MCTP1: variants seen among roughly 807,000 people sequenced by gnomAD.
MCTP1 encodes the protein multiple C2 and transmembrane domain-containing protein 1.
Under a neutral mutation model 120.6 loss-of-function variants are expected in MCTP1, and 69 were observed. That is an observed-to-expected ratio of 0.57 (90% CI 0.47 to 0.70). MCTP1 has a LOEUF of 0.70. MCTP1 is among the 30% of genes least tolerant of loss of function. The pLI, the probability that MCTP1 is intolerant of heterozygous loss-of-function variation, is 0.00. For synonymous variants in MCTP1, 529 were observed against 493.1 expected (o/e 1.07, Z -0.96); for missense variants, 1,203 against 1,248.8 (o/e 0.96, Z 0.55).
At chr5:95,085,865 G>C (rs544197965) in intron 1 of MCTP1, among the ~76,000 whole-genome samples, 9 of 152,036 alleles carry the variant, frequency 5.9e-5, no homozygotes, top group Non-Finnish European at 1.3e-4. Context: ...TACTACCAAA[G>C]TTGAGTATTT....
rs1055192109 is a variant in MCTP1 at position 95,068,827 on chromosome 5, G to T, written c.721-51343C>A. 7 of 1,267,858 alleles carry T rather than the reference G, an allele frequency of 5.5e-6. No individual in the cohort carries two copies. In the African/African-American group the frequency reaches 1.1e-4, roughly 20 times the overall value. The allele number at this position is 1,267,858 out of a possible 1,614,324, so 78.5% of individuals were successfully genotyped here. Reference sequence around the variant, plus strand: ...TGTCCTTTCCAATCTTACCATACAGGGTCTGCCAAAGAAATTATAAAAATT... The same window carrying T: ...TGTCCTTTCCAATCTTACCATACAGTGTCTGCCAAAGAAATTATAAAAATT... On this transcript the variant is annotated intron_variant, in intron 1 of 22. Transcript: ENST00000515393.
At chr5:95,266,280 C>T (rs1380398625) in intron 1 of MCTP1, among the ~76,000 whole-genome samples, 1 of 152,196 alleles carries the variant, frequency 6.6e-6, no homozygotes, top group African/African-American at 2.4e-5. Context: ...ATCTAATTTT[C>T]ATAAGAATTG....
At chr5:94,922,339 G>A (rs570132060) in intron 7 of MCTP1, among the ~76,000 whole-genome samples, 4 of 152,222 alleles carry the variant, frequency 2.6e-5, no homozygotes, top group Admixed American at 2.6e-4. Context: ...ACTTGAAAGG[G>A]AAACACTTGA....
Position 94,704,997 on chromosome 5 carries a change from TGTCA to T in MCTP1, c.*2495_*2498del, listed in dbSNP as rs1402019052. 1 of 151,368 alleles carries T rather than the reference TGTCA, an allele frequency of 6.6e-6. No individual in the cohort carries two copies. The highest frequency in any genetic ancestry group is 2.4e-5 in the African/African-American group (1 of 41,348). The allele number at this position is 151,368 out of a possible 1,614,324, so 9.4% of individuals were successfully genotyped here. On this transcript the variant is annotated 3_prime_UTR_variant, in exon 23 of 23. Transcript: ENST00000515393. ...ATTTCTTATGAATTATCACAACGAA[TGTCA>T]GTAATAGTTTATGAATATAAATAAT...
chr5:95,255,451 C>T (rs1757784013), intron 1 of MCTP1, among the ~76,000 whole-genome samples: 1 of 152,068 alleles, frequency 6.6e-6, no homozygotes. Flanking sequence ...TATACTACAG[C>T]AGGGAAGGAA....
Position 95,066,243 on chromosome 5 carries a change from G to GA in MCTP1, c.721-48760dup, listed in dbSNP as rs554999676. ...ACATAGAAATGATCAACAAGTATAT[G>GA]AAAAAATGCTCAACACCACTAAACA... On this transcript the variant is annotated intron_variant, in intron 1 of 22. Coordinates refer to ENST00000515393, the MANE Select transcript of MCTP1 (RefSeq NM_024717.7). Among the ~76,000 whole-genome samples, 663 of 152,136 alleles carry GA rather than the reference G, an allele frequency of 4.4e-3. 5 individuals carry two copies. Among genetic ancestry groups the GA allele is most frequent in the African/African-American group, 0.015 (639 of 41,508 alleles).
intron 1 of MCTP1, among the ~76,000 whole-genome samples, chr5:95,176,445 A>C (rs1483324283): frequency 6.6e-6 from 1 of 152,156 alleles, no homozygotes; most frequent in Non-Finnish European, 1.5e-5. Flanking sequence ...GAATCGCTTG[A>C]ATCCAGGAGG....
At chr5:95,245,740 A>T (rs1462000305) in intron 1 of MCTP1, among the ~76,000 whole-genome samples, 2 of 152,202 alleles carry the variant, frequency 1.3e-5, no homozygotes, top group Non-Finnish European at 2.9e-5. Context: ...AATGGAACCA[A>T]GCTAGAAAAC....
At chr5:94,905,915 G>A (rs115683215) in intron 10 of MCTP1, among the ~76,000 whole-genome samples, 108 of 152,204 alleles carry the variant, frequency 7.1e-4, no homozygotes, top group African/African-American at 2.5e-3. Context: ...ACTACAACAT[G>A]AGGGGATGAG....
intron 1 of MCTP1, among the ~76,000 whole-genome samples, chr5:95,072,986 C>A (rs1197995391): frequency 6.6e-6 from 1 of 152,040 alleles, no homozygotes; most frequent in African/African-American, 2.4e-5. Context: ...ACCTCGTGAT[C>A]CGTTCGCCTT....
chr5:94,923,920 A>G (rs1448984708), intron 7 of MCTP1, 42 bp downstream of exon 7: 15 of 1,332,244 alleles, frequency 1.1e-5, no homozygotes, highest in Non-Finnish European at 1.5e-5. Context: ...GCTATCCAAA[A>G]CCAAAAATCA....
intron 8 of MCTP1, 81 bp downstream of exon 8, chr5:94,917,815 T>C (rs1253636229): frequency 1.8e-6 from 2 of 1,097,636 alleles, no homozygotes; most frequent in African/African-American, 3.1e-5. Flanking sequence ...GAGTGGGTTT[T>C]CAGTACAGTA....
At chr5:95,138,786 G>A (rs1759662572) in intron 1 of MCTP1, among the ~76,000 whole-genome samples, 1 of 152,174 alleles carries the variant, frequency 6.6e-6, no homozygotes, top group Admixed American at 6.5e-5. Flanking sequence ...CATTTAGGGT[G>A]TTGTCACTGC....
chr5:95,131,223 C>T (rs1177124960), intron 1 of MCTP1, among the ~76,000 whole-genome samples: 7 of 152,108 alleles, frequency 4.6e-5, no homozygotes, highest in African/African-American at 1.2e-4. Flanking sequence ...GCCTTTCTTG[C>T]ACTACTTGTG....
At chr5:94,738,096 A>G (rs925594079) in intron 19 of MCTP1, among the ~76,000 whole-genome samples, 2 of 152,252 alleles carry the variant, frequency 1.3e-5, no homozygotes, top group Admixed American at 6.5e-5. Flanking sequence ...CTGCAGGTAC[A>G]TTATACTTAA....
At chr5:95,036,352 C>T (rs1207735774) in intron 1 of MCTP1, among the ~76,000 whole-genome samples, 1 of 152,122 alleles carries the variant, frequency 6.6e-6, no homozygotes, top group Non-Finnish European at 1.5e-5. Flanking sequence ...AGATGCTTTG[C>T]TTGATGCTAA....
chr5:95,096,512 G>A (rs1481275016), intron 1 of MCTP1, among the ~76,000 whole-genome samples: 2 of 152,128 alleles, frequency 1.3e-5, no homozygotes, highest in African/African-American at 4.8e-5. Flanking sequence ...GAAAAAATGG[G>A]AAGGGATAGA....
At chr5:95,145,540 T>C (rs1562180371) in intron 1 of MCTP1, among the ~76,000 whole-genome samples, 1 of 152,204 alleles carries the variant, frequency 6.6e-6, no homozygotes, top group Non-Finnish European at 1.5e-5. Flanking sequence ...TTGTCATGAA[T>C]GGCTCTTATT....
chr5:95,049,714 G>A (rs1381286799), intron 1 of MCTP1, among the ~76,000 whole-genome samples: 1 of 152,006 alleles, frequency 6.6e-6, no homozygotes, highest in Non-Finnish European at 1.5e-5. Context: ...ACCATGATGC[G>A]CAGACATAGT....
Sources: allele counts gnomAD v4.1 joint callset (sites outside exome capture counted in the v4.1 genomes callset), GRCh38; gene constraint gnomAD v4.1.1; transcripts MANE v1.5; gene names NCBI Gene and HGNC (gene_info 2026-07-23, HGNC 2026-07-21).